KLHL40: variants seen among roughly 807,000 people sequenced by gnomAD.
KLHL40 encodes the protein kelch like family member 40.
KLHL40 carries 44 observed loss-of-function variants against 49.7 expected under a neutral mutation model. The ratio of observed to expected loss-of-function variants is 0.89; its 90% CI spans 0.70 to 1.14. KLHL40 has a LOEUF of 1.14. Among genes scored for constraint, KLHL40 ranks in the 50% most tolerant of loss-of-function variants. The pLI, the probability that KLHL40 is intolerant of heterozygous loss-of-function variation, is 0.00. For missense variants in KLHL40, 892 were observed against 850.3 expected (o/e 1.05, Z -0.61); for synonymous variants, 409 against 365.2 (o/e 1.12, Z -1.37).
rs1230932095 is a variant in KLHL40, at chr3:42,686,519, A to G, written c.901A>G (p.Ile301Val). ...KAEEDEEAER[I>V]LPGILNDTLR... ...AGAGGAGGATGAGGAGGCCGAACGT[A>G]TCCTTCCTGGGATCCTCAATGACAC... is the stretch of plus-strand genomic sequence containing the variant. The change falls in exon 1 of 6, where the codon ATC becomes GTC. Residue 301 changes from isoleucine (I) to valine (V), a missense_variant. Physicochemically the swap from Ile to Val is conservative, Grantham distance 29 (BLOSUM62 3). Transcript: ENST00000287777. 1.9e-6 allele frequency: 3 copies of G among 1,614,168 alleles called. No homozygotes were observed. Among genetic ancestry groups the G allele is most frequent in the South Asian group, 2.2e-5 (2 of 91,072 alleles).
At position 42,688,843 on chromosome 3, in the gene KLHL40, A is replaced by G. The variant is rs760110740; in HGVS notation, c.1422-26A>G. On this transcript the variant is annotated intron_variant, in intron 3 of 5. Transcript: ENST00000287777. The surrounding 1 kb of genome is among the most constrained non-coding windows in gnomAD (Gnocchi z 4.2). ...CGTGGCTGGGCTCCTGCTTCTCTCC[A>G]CCCATCCCCACCCTCCACCCCACAG... is the stretch of plus-strand genomic sequence containing the variant. The G allele has an allele frequency of 6.2e-7, 1 of 1,608,318 alleles. No homozygotes were observed. Among genetic ancestry groups the G allele is most frequent in the South Asian group, 1.1e-5 (1 of 90,864 alleles).
intron 4 of KLHL40, among the ~76,000 whole-genome samples, chr3:42,690,341 G>T (rs1328201149): frequency 6.6e-6 from 1 of 152,230 alleles, no homozygotes. Context: ...CTCAGTGCGT[G>T]TGCAGTGACT....
chr3:42,691,658 G>A (rs1459682558), intron 5 of KLHL40, among the ~76,000 whole-genome samples: 4 of 152,092 alleles, frequency 2.6e-5, no homozygotes, highest in Non-Finnish European at 5.9e-5. Context: ...CACCCCTTGA[G>A]AGGTGATCTT....
rs750382063 is a variant in KLHL40, at chr3:42,686,159, A to T, written c.541A>T (p.Ile181Phe). 6.3e-7 allele frequency: 1 copy of T among 1,593,476 alleles called. No individual in the cohort carries two copies. The highest frequency in any genetic ancestry group is 1.3e-5 in the African/African-American group (1 of 74,800). Residue 181 changes from isoleucine (I) to phenylalanine (F), a missense_variant, in exon 1 of 6, where the codon ATC (isoleucine) becomes TTC (phenylalanine). Transcript: ENST00000287777. The part of the protein sequence containing the change: ...GLSADELIAI[I>F]SSDGLNVEKE... ...CTCGGCCGACGAGCTCATCGCCATC[A>T]TCTCCAGCGACGGCCTTAACGTGGA...
At position 42,686,482 on chromosome 3, in the gene KLHL40, C is replaced by G; in HGVS notation, c.864C>G (p.Ser288Arg). 1 of 1,614,056 alleles carries G rather than the reference C, an allele frequency of 6.2e-7. No individual in the cohort carries two copies. Among genetic ancestry groups the G allele is most frequent in the Non-Finnish European group, 8.5e-7 (1 of 1,180,002 alleles). ...CCAAGGAGGCTGATAAGGGCACAAG[C>G]AAAGCCAAAGCAGAGGAGGATGAGG... ...AGAKEADKGT[S>R]KAKAEEDEEA... The change falls in exon 1 of 6, where the codon AGC becomes AGG. Residue 288 changes from serine (S) to arginine (R), a missense_variant. Ser to Arg is a moderately radical substitution (Grantham distance 110). Transcript: ENST00000287777.
chr3:42,688,823 C>G lies in KLHL40; in HGVS notation c.1422-46C>G. The stretch of plus-strand genomic sequence containing the variant: ...GGCAGGTGATTGCAGGGAGGCGTGG[C>G]TGGGCTCCTGCTTCTCTCCACCCAT... On this transcript the variant is annotated intron_variant, in intron 3 of 5. Transcript: ENST00000287777. The surrounding 1 kb of genome is among the most constrained non-coding windows in gnomAD (Gnocchi z 4.2). 1 of 1,596,540 alleles carries G rather than the reference C, an allele frequency of 6.3e-7. No individual in the cohort carries two copies. Among genetic ancestry groups the G allele is most frequent in the Non-Finnish European group, 8.6e-7 (1 of 1,164,476 alleles).
At chr3:42,686,856 T>C in intron 1 of KLHL40, 86 bp downstream of exon 1, 1 of 1,186,070 alleles carries the variant, frequency 8.4e-7, no homozygotes, top group South Asian at 1.6e-5. Flanking sequence ...GGCTTGTGTC[T>C]ACACAAGTGA....
Position 42,686,023 on chromosome 3 carries a change from C to T in KLHL40, c.405C>T (p.Ala135=). ...QKRLCLSNCL[A]VFRLGLLLDC... ...GCCTGTGCCTCTCCAACTGCTTGGC[C>T]GTCTTCCGTCTCGGCCTCCTGCTCG... The change falls in exon 1 of 6, where the codon GCC becomes GCT. Residue 135 remains alanine (A), a synonymous_variant. Transcript: ENST00000287777. 2 of 1,609,766 alleles carry T rather than the reference C, an allele frequency of 1.2e-6. No individual in the cohort carries two copies. Among genetic ancestry groups the T allele is most frequent in the Non-Finnish European group, 1.7e-6 (2 of 1,179,948 alleles).
chr3:42,690,963 A>C lies in KLHL40; in HGVS notation c.1712A>C (p.Glu571Ala), dbSNP rs1274858050. ...GGTGGCTTTGCCACACTGGAGACGG[A>C]GTCTGGAGAGCTGGTTCCCACAGAG... Reference protein sequence around the residue: ...AIGGFATLETESGELVPTELN... With the variant: ...AIGGFATLETASGELVPTELN... The change falls in exon 5 of 6, where the codon GAG becomes GCG. Residue 571 changes from glutamate (E) to alanine (A), a missense_variant. Physicochemically the swap from Glu to Ala is moderately radical, Grantham distance 107. Transcript: ENST00000287777. The C allele has an allele frequency of 6.2e-7, 1 of 1,613,484 alleles. No homozygotes were observed. Among genetic ancestry groups the C allele is most frequent in the Admixed American group, 1.7e-5 (1 of 59,962 alleles).
chr3:42,692,520 T>C lies in KLHL40; in HGVS notation c.*527T>C. On this transcript the variant is annotated 3_prime_UTR_variant, in exon 6 of 6. Transcript: ENST00000287777. ...TCTGCTGTTGGGCTGCCAAGGTCGA[T>C]GGTCTCTGCTCTCCATCTGGTGTCC... 1.5e-6 allele frequency: 1 copy of C among 682,942 alleles called. No individual in the cohort carries two copies. Among genetic ancestry groups the C allele is most frequent in the South Asian group, 2.1e-5 (1 of 46,934 alleles). 42.3% of individuals were successfully genotyped at this position (682,942 alleles called of 1,614,324 possible). A position where few individuals can be genotyped will look rare whatever the true frequency, so the allele number is the denominator to read the frequency against.
At chr3:42,686,852 T>C in intron 1 of KLHL40, 82 bp downstream of exon 1, 1 of 1,252,698 alleles carries the variant, frequency 8.0e-7, no homozygotes, top group Non-Finnish European at 1.1e-6. Flanking sequence ...AAGGGGCTTG[T>C]GTCTACACAA....
chr3:42,685,956 TCCCTTCCATCTTCA>T lies in KLHL40; in HGVS notation c.341_354del (p.Pro114HisfsTer50). The T allele has an allele frequency of 6.2e-7, 1 of 1,611,846 alleles. No individual in the cohort carries two copies. Among genetic ancestry groups the T allele is most frequent in the Non-Finnish European group, 8.5e-7 (1 of 1,179,982 alleles). ...TTCGCCGCGGCACACCGCTTCCAGA[TCCCTTCCATCTTCA>T]CCATCTGCGTGTCCTTCCTGCAGAA... On this transcript the variant is annotated frameshift_variant, in exon 1 of 6. Coordinates refer to ENST00000287777, the MANE Select transcript of KLHL40 (RefSeq NM_152393.4). LOFTEE classifies it high-confidence loss of function.
At position 42,688,553 on chromosome 3, in the gene KLHL40, G is replaced by A. The variant is rs1478908357; in HGVS notation, c.1314-57G>A. 7 of 1,309,322 alleles carry A rather than the reference G, an allele frequency of 5.3e-6. No homozygotes were observed. The African/African-American group carries it at 5.8e-5, about 11-fold the overall frequency. The allele number at this position is 1,309,322 out of a possible 1,614,324, so 81.1% of individuals were successfully genotyped here. A position where few individuals can be genotyped will look rare whatever the true frequency, so the allele number is the denominator to read the frequency against. ...GATGGGCGGATGGGTGCAGAGACAG[G>A]GACTGAGCCGAGCCTGGATGGGTGC... On this transcript the variant is annotated intron_variant, in intron 2 of 5. Coordinates refer to ENST00000287777, the MANE Select transcript of KLHL40 (RefSeq NM_152393.4). The surrounding 1 kb of genome is among the most constrained non-coding windows in gnomAD (Gnocchi z 4.2).
chr3:42,686,874 TG>T, intron 1 of KLHL40, 104 bp downstream of exon 1: 1 of 1,014,176 alleles, frequency 9.9e-7, no homozygotes. Context: ...TGAATGCCAC[TG>T]GGTCTAGGGT....
At chr3:42,689,213 G>T (rs935863044) in intron 4 of KLHL40, among the ~76,000 whole-genome samples, 159 bp downstream of exon 4, 4 of 152,192 alleles carry the variant, frequency 2.6e-5, no homozygotes, top group Non-Finnish European at 5.9e-5. Flanking sequence ...AGGTGGGGAG[G>T]CGGGGCAAGG....
Position 42,688,393 on chromosome 3 carries a change from C to A in KLHL40, c.1313+91C>A. ...CTAGGGCCTGGGGTGGGATTTGGAG[C>A]TAGAGCCTTGTGCTTAGAGTGAAGG... On this transcript the variant is annotated intron_variant, in intron 2 of 5. Coordinates refer to ENST00000287777, the MANE Select transcript of KLHL40 (RefSeq NM_152393.4). The surrounding 1 kb of genome is among the most constrained non-coding windows in gnomAD (Gnocchi z 4.2). The A allele has an allele frequency of 7.1e-7, 1 of 1,407,468 alleles. No homozygotes were observed. Among genetic ancestry groups the A allele is most frequent in the Non-Finnish European group, 9.9e-7 (1 of 1,012,314 alleles). 87.2% of individuals were successfully genotyped at this position (1,407,468 alleles called of 1,614,324 possible).
chr3:42,688,323 G>A lies in KLHL40; in HGVS notation c.1313+21G>A. On this transcript the variant is annotated intron_variant, in intron 2 of 5. Coordinates refer to ENST00000287777, the MANE Select transcript of KLHL40 (RefSeq NM_152393.4). The surrounding 1 kb of genome is among the most constrained non-coding windows in gnomAD (Gnocchi z 4.2). ...AGGCTGTGAGCATGGCTGGGGTGGG[G>A]CTGAGCTCCGTGGGGGTGAGTGGGG... 1 of 1,613,378 alleles carries A rather than the reference G, an allele frequency of 6.2e-7. No individual in the cohort carries two copies. The highest frequency in any genetic ancestry group is 8.5e-7 in the Non-Finnish European group (1 of 1,179,784).
Position 42,686,517 on chromosome 3 carries a change from G to C in KLHL40, c.899G>C (p.Arg300Pro), listed in dbSNP as rs1179987418. Residue 300 changes from arginine to proline, a missense_variant, in exon 1 of 6, where the codon CGT becomes CCT. Arg to Pro is a moderately radical substitution (Grantham distance 103). Coordinates refer to ENST00000287777, the MANE Select transcript of KLHL40 (RefSeq NM_152393.4). ...AKAEEDEEAE[R>P]ILPGILNDTL... is the part of the protein sequence containing the mutation. ...GCAGAGGAGGATGAGGAGGCCGAAC[G>C]TATCCTTCCTGGGATCCTCAATGAC... 1 of 1,614,182 alleles carries C rather than the reference G, an allele frequency of 6.2e-7. No homozygotes were observed.
In KLHL40 at chr3:42,685,797, C is replaced by T. The variant is rs756736620; in HGVS notation, c.179C>T (p.Ala60Val). Residue 60 changes from alanine to valine, a missense_variant, in exon 1 of 6, where the codon GCG becomes GTG. By Grantham distance (64) the Ala-to-Val change is moderately conservative. Coordinates refer to ENST00000287777, the MANE Select transcript of KLHL40 (RefSeq NM_152393.4). ...VLAACSPYFR[A>V]RFLAEPERAG... ...GCCGCCTGCAGCCCCTACTTCCGGG[C>T]GCGCTTTCTAGCCGAGCCGGAGCGC... 2.5e-6 allele frequency: 4 copies of T among 1,612,086 alleles called. No homozygotes were observed. The highest frequency in any genetic ancestry group is 1.1e-5 in the South Asian group (1 of 91,032).
Sources: allele counts gnomAD v4.1 joint callset (sites outside exome capture counted in the v4.1 genomes callset), GRCh38; gene constraint gnomAD v4.1.1; non-coding constraint Gnocchi (gnomAD v3.1); transcripts MANE v1.5; gene names NCBI Gene and HGNC (gene_info 2026-07-23, HGNC 2026-07-21).